The following SLC17A6 variants were observed in gnomAD, a reference collection of about 807,000 sequenced individuals.
SLC17A6 encodes the protein solute carrier family 17 member 6.
SLC17A6 carries 35 observed loss-of-function variants against 67.1 expected under a neutral mutation model. That is an observed-to-expected ratio of 0.52 (90% CI 0.40 to 0.69). The LOEUF is 0.69. Among genes scored for constraint, SLC17A6 ranks in the 30% least tolerant of loss-of-function variants. The probability of loss-of-function intolerance (pLI) is 0.00; values close to 1 mark genes in which losing one functional copy is unlikely to be tolerated. For synonymous variants in SLC17A6, 285 were observed against 252.3 expected, an observed-to-expected ratio of 1.13 and a Z score of -1.23; for missense variants, 588 against 723.9, an observed-to-expected ratio of 0.81 and a Z score of 2.15.
rs146676890 is a variant in SLC17A6, at chr11:22,366,130, A to G, written c.891+441A>G. Among the ~76,000 whole-genome samples the G allele has an allele frequency of 1.5e-4, 23 of 152,244 alleles. No homozygotes were observed. In the East Asian group the frequency reaches 4.1e-3, roughly 27 times the overall value. On this transcript the variant is annotated intron_variant, in intron 7 of 11. Transcript: ENST00000263160. ...CCCCCGGGTTGCTACCGAACCCTACATATAATGTTTTTCCTATACATACAT... is the reference window on the plus strand; with the variant it reads ...CCCCCGGGTTGCTACCGAACCCTACGTATAATGTTTTTCCTATACATACAT...
chr11:22,352,675 C>T (rs1393446287), intron 3 of SLC17A6, among the ~76,000 whole-genome samples: 1 of 152,112 alleles, frequency 6.6e-6, no homozygotes, highest in Admixed American at 6.6e-5. Flanking sequence ...TGTACAACCT[C>T]ATGAGTTAAG....
At chr11:22,372,486 G>T (rs191637051) in intron 8 of SLC17A6, among the ~76,000 whole-genome samples, 189 of 151,854 alleles carry the variant, frequency 1.2e-3, no homozygotes, top group Admixed American at 2.6e-3. Context: ...TCAGTGCTAG[G>T]ATTAACCAGC....
chr11:22,355,254 C>T (rs934806401), intron 3 of SLC17A6, among the ~76,000 whole-genome samples: 8 of 152,126 alleles, frequency 5.3e-5, no homozygotes, highest in Non-Finnish European at 1.2e-4. Context: ...GAACCATTAC[C>T]TAGTGATGTC....
intron 3 of SLC17A6, among the ~76,000 whole-genome samples, chr11:22,344,361 T>C: frequency 6.6e-6 from 1 of 152,178 alleles, no homozygotes; most frequent in East Asian, 1.9e-4. Flanking sequence ...TGGCCCTTTG[T>C]AACCTGGGCA....
In SLC17A6 at chr11:22,368,683, A is replaced by G. The variant is rs574957993; in HGVS notation, c.892-1356A>G. On this transcript the variant is annotated intron_variant, in intron 7 of 11. Coordinates refer to ENST00000263160, the MANE Select transcript of SLC17A6 (RefSeq NM_020346.3). Reference sequence around the variant, plus strand: ...GTATTCTGGAGTCATTTCTTATGCTAACATAATACTATAATGCAGACATTT... The same window carrying G: ...GTATTCTGGAGTCATTTCTTATGCTGACATAATACTATAATGCAGACATTT... 9.9e-5 allele frequency among the ~76,000 whole-genome samples: 15 copies of G among 152,196 alleles called. No individual in the cohort carries two copies. The South Asian group carries it at 2.7e-3, about 27-fold the overall frequency.
At chr11:22,338,647 T>A (rs1855763998) in intron 1 of SLC17A6, 28 bp downstream of exon 1, 1 of 1,544,580 alleles carries the variant, frequency 6.5e-7, no homozygotes, top group African/African-American at 1.4e-5. Context: ...CTTGCTTACC[T>A]GGGGCTCAGC....
chr11:22,358,143 C>T (rs753757595), intron 3 of SLC17A6, among the ~76,000 whole-genome samples: 2 of 152,066 alleles, frequency 1.3e-5, no homozygotes, highest in East Asian at 3.9e-4. Context: ...TTCTATGAGG[C>T]AACCAACATT....
intron 3 of SLC17A6, among the ~76,000 whole-genome samples, chr11:22,345,077 T>C (rs992723357): frequency 1.1e-4 from 16 of 152,110 alleles, no homozygotes; most frequent in African/African-American, 2.4e-5. Flanking sequence ...AGGGTTTTTT[T>C]CAGAGTCAAA....
intron 3 of SLC17A6, among the ~76,000 whole-genome samples, chr11:22,350,495 G>T (rs1169701460): frequency 6.6e-6 from 1 of 151,640 alleles, no homozygotes; most frequent in South Asian, 2.1e-4. Flanking sequence ...GTTTTCAAAT[G>T]GTTTATTATT....
intron 4 of SLC17A6, among the ~76,000 whole-genome samples, chr11:22,360,537 C>A (rs2593690): frequency 0.15 from 19,574 of 126,846 alleles, 4,020 homozygotes; most frequent in African/African-American, 0.46. Context: ...CCCCCCCCCC[C>A]AAAAAAAAGA....
At position 22,376,065 on chromosome 11, in the gene SLC17A6, G is replaced by C. The variant is rs1357905259; in HGVS notation, c.1258G>C (p.Val420Leu). 1 of 1,611,892 alleles carries C rather than the reference G, an allele frequency of 6.2e-7. No homozygotes were observed. The highest frequency in any genetic ancestry group is 8.5e-7 in the Non-Finnish European group (1 of 1,178,858). ...AGCAATCTCATTCTTGGTACTTGCAGTGGGATTCAGTGGATTTGCTATATC... is the reference window on the plus strand; with the variant it reads ...AGCAATCTCATTCTTGGTACTTGCACTGGGATTCAGTGGATTTGCTATATC... ...GVAISFLVLA[V>L]GFSGFAISGF... The change falls in exon 10 of 12, where the codon GTG becomes CTG. Residue 420 changes from valine to leucine, a missense_variant. Transcript: ENST00000263160.
At chr11:22,365,726 TC>T in intron 7 of SLC17A6, 37 bp downstream of exon 7, 1 of 1,582,602 alleles carries the variant, frequency 6.3e-7, no homozygotes. Context: ...CCTATCTTAT[TC>T]CCATCTCGCC....
chr11:22,344,680 T>C (rs1409501903), intron 3 of SLC17A6, among the ~76,000 whole-genome samples: 2 of 152,228 alleles, frequency 1.3e-5, no homozygotes, highest in Non-Finnish European at 2.9e-5. Context: ...ATTGTGTATA[T>C]GTACCACATT....
chr11:22,369,015 G>GT (rs1564985892), intron 7 of SLC17A6, among the ~76,000 whole-genome samples: 1 of 151,930 alleles, frequency 6.6e-6, no homozygotes, highest in Non-Finnish European at 1.5e-5. Context: ...CAATTATGAG[G>GT]TTTTCCATTC....
chr11:22,347,713 T>C (rs1165450342), intron 3 of SLC17A6, among the ~76,000 whole-genome samples: 1 of 152,198 alleles, frequency 6.6e-6, no homozygotes, highest in Non-Finnish European at 1.5e-5. Context: ...TAAATTTTAT[T>C]TGAAGGCCTT....
Position 22,359,413 on chromosome 11 carries a change from G to A in SLC17A6, c.459G>A (p.Arg153=), listed in dbSNP as rs1856024995. The A allele has an allele frequency of 1.3e-6, 2 of 1,561,044 alleles. No homozygotes were observed. The highest frequency in any genetic ancestry group is 1.7e-6 in the Non-Finnish European group (2 of 1,152,474). The change falls in exon 4 of 12, where the codon AGG becomes AGA. Residue 153 remains arginine, a splice_region_variant and synonymous_variant. Transcript: ENST00000263160. ...GYIASRLAAN[R]VFGAAILLTS... is the part of the protein sequence containing the mutation. ...AGTGTTCTCATCTTTTCTATTTCAG[G>A]GTTTTCGGAGCTGCCATACTTCTTA...
At chr11:22,338,926 A>G (rs1169251878) in intron 1 of SLC17A6, among the ~76,000 whole-genome samples, 3 of 150,896 alleles carry the variant, frequency 2.0e-5, no homozygotes, top group East Asian at 1.9e-4. Flanking sequence ...CAGTTAAGAA[A>G]TGGCCAGCCC....
At position 22,355,948 on chromosome 11, in the gene SLC17A6, A is replaced by T. The variant is rs144423571; in HGVS notation, c.459-3465A>T. 4.3e-3 allele frequency among the ~76,000 whole-genome samples: 650 copies of T among 152,184 alleles called. 3 individuals are homozygous for T. Among genetic ancestry groups the T allele is most frequent in the Middle Eastern group, 0.017 (5 of 294 alleles). On this transcript the variant is annotated intron_variant, in intron 3 of 11. Transcript: ENST00000263160. ...GGCCTTTGGCACACATTGTCTCTGGACTACTGGTCTCTCCCTCTCCTACTA... is the reference window on the plus strand; with the variant it reads ...GGCCTTTGGCACACATTGTCTCTGGTCTACTGGTCTCTCCCTCTCCTACTA...
At chr11:22,376,348 C>T (rs1856232776) in intron 10 of SLC17A6, among the ~76,000 whole-genome samples, 197 bp from the exon 11 acceptor site, 1 of 151,974 alleles carries the variant, frequency 6.6e-6, no homozygotes, top group South Asian at 2.1e-4. Flanking sequence ...GTGGAGTGAA[C>T]ATCACATATT....
Sources: allele counts gnomAD v4.1 joint callset (sites outside exome capture counted in the v4.1 genomes callset), GRCh38; gene constraint gnomAD v4.1.1; transcripts MANE v1.5; gene names NCBI Gene and HGNC (gene_info 2026-07-23, HGNC 2026-07-21).